Variants in PIK3R5 observed in about 807,000 individuals in gnomAD.
PIK3R5 encodes phosphoinositide-3-kinase regulatory subunit 5.
PIK3R5 carries 32 observed loss-of-function variants against 94.9 expected under a neutral mutation model. The ratio of observed to expected loss-of-function variants is 0.34; its 90% CI spans 0.25 to 0.45. PIK3R5 has a LOEUF of 0.45. PIK3R5 is among the 20% of genes least tolerant of loss of function. The pLI is 1.00. For synonymous variants in PIK3R5, 443 were observed against 479.4 expected (o/e 0.92, Z 0.99); for missense variants, 853 against 1,144.6 (o/e 0.75, Z 3.68).
chr17:8,912,467 A>T (rs962117156), intron 1 of PIK3R5: 4 of 152,242 alleles, frequency 2.6e-5, no homozygotes, highest in African/African-American at 9.6e-5. Context: ...TGCTAACCTC[A>T]TGGGGCTCTT....
intron 1 of PIK3R5, among the ~76,000 whole-genome samples, chr17:8,938,599 T>C (rs577000713): frequency 6.6e-6 from 1 of 152,338 alleles, no homozygotes; most frequent in Non-Finnish European, 1.5e-5. Flanking sequence ...GGTTTGCTTA[T>C]TCTGGACAAT....
chr17:8,907,836 C>T (rs2090429826), intron 3 of PIK3R5, among the ~76,000 whole-genome samples: 1 of 152,050 alleles, frequency 6.6e-6, no homozygotes, highest in Non-Finnish European at 1.5e-5. Flanking sequence ...CGAGGTCTTG[C>T]TATGTTGCCC....
intron 1 of PIK3R5, among the ~76,000 whole-genome samples, chr17:8,934,537 CTT>C (rs1367843556): frequency 6.6e-6 from 1 of 152,116 alleles, no homozygotes; most frequent in Non-Finnish European, 1.5e-5. Context: ...TCTCAGCAAA[CTT>C]TAAAAAATAG....
rs532377159 is a variant in PIK3R5, at chr17:8,945,537, T to C, written c.-14+20059A>G. 6.6e-6 allele frequency among the ~76,000 whole-genome samples: 1 copy of C among 152,286 alleles called. No individual in the cohort carries two copies. The highest frequency in any genetic ancestry group is 2.1e-4 in the South Asian group (1 of 4,826). Reference sequence around the variant, plus strand: ...AAGGCTGGGCATCACAGCAACCACCTTGCACTGGGAGTTTCTGCTAGACAG... The same window carrying C: ...AAGGCTGGGCATCACAGCAACCACCCTGCACTGGGAGTTTCTGCTAGACAG... On this transcript the variant is annotated intron_variant, in intron 1 of 18. Transcript: ENST00000447110. This position sits in a 1 kb window ranked among gnomAD's most constrained non-coding sequence, Gnocchi z 4.0.
intron 1 of PIK3R5, among the ~76,000 whole-genome samples, chr17:8,941,661 G>A (rs962077361): frequency 5.3e-5 from 8 of 152,246 alleles, no homozygotes; most frequent in African/African-American, 1.7e-4. Flanking sequence ...ACGCGGCACC[G>A]TGGCACAGGA....
chr17:8,961,842 T>C (rs1013954873), intron 1 of PIK3R5, among the ~76,000 whole-genome samples: 6 of 152,064 alleles, frequency 3.9e-5, no homozygotes, highest in African/African-American at 1.4e-4. Context: ...ATGAAAGTCA[T>C]CCATTTCTTC....
intron 1 of PIK3R5, among the ~76,000 whole-genome samples, chr17:8,954,133 C>T (rs1042505017): frequency 3.3e-5 from 5 of 152,124 alleles, no homozygotes; most frequent in African/African-American, 1.2e-4. Flanking sequence ...GACCCAAGCT[C>T]CCCCGGCTTG....
chr17:8,961,354 G>T (rs1431781611), intron 1 of PIK3R5, among the ~76,000 whole-genome samples: 1 of 152,054 alleles, frequency 6.6e-6, no homozygotes, highest in Non-Finnish European at 1.5e-5. Flanking sequence ...ACTCACGCAG[G>T]CCGGGCGCGG....
intron 13 of PIK3R5, 77 bp downstream of exon 13, chr17:8,886,400 G>T: frequency 6.2e-7 from 1 of 1,601,598 alleles, no homozygotes; most frequent in South Asian, 1.1e-5. Flanking sequence ...TAGACCTGCT[G>T]GCTCTCCCGG....
At chr17:8,902,106 T>A (rs1269517143) in intron 5 of PIK3R5, among the ~76,000 whole-genome samples, 1 of 151,900 alleles carries the variant, frequency 6.6e-6, no homozygotes, top group Non-Finnish European at 1.5e-5. Flanking sequence ...TAGTTTTGCA[T>A]TTTCTTTATG....
At chr17:8,957,989 A>G (rs896911457) in intron 1 of PIK3R5, among the ~76,000 whole-genome samples, 2 of 152,208 alleles carry the variant, frequency 1.3e-5, no homozygotes, top group African/African-American at 4.8e-5. Flanking sequence ...GAAAAGGAAA[A>G]TAGAGGTCAA....
At chr17:8,887,417 T>A in intron 11 of PIK3R5, 104 bp downstream of exon 11, 2 of 1,359,108 alleles carry the variant, frequency 1.5e-6, no homozygotes, top group African/African-American at 2.9e-5. Flanking sequence ...CAGGGGGAGG[T>A]GCCCTGTCAA....
intron 14 of PIK3R5, among the ~76,000 whole-genome samples, chr17:8,885,412 G>C (rs1048439777): frequency 1.4e-5 from 2 of 141,594 alleles, no homozygotes; most frequent in African/African-American, 5.4e-5. Context: ...CACCTACCAG[G>C]CAACCCCGCC....
At chr17:8,919,791 A>C (rs1453806555) in intron 1 of PIK3R5, among the ~76,000 whole-genome samples, 1 of 151,802 alleles carries the variant, frequency 6.6e-6, no homozygotes, top group South Asian at 2.1e-4. Context: ...CATAACAAAC[A>C]TTCAATATAT....
chr17:8,880,658 A>G lies in PIK3R5; in HGVS notation c.2624T>C (p.Phe875Ser). 2 of 1,611,462 alleles carry G rather than the reference A, an allele frequency of 1.2e-6. No homozygotes were observed. The highest frequency in any genetic ancestry group is 2.2e-5 in the East Asian group (1 of 44,868). The change falls in exon 19 of 19, where the codon TTC becomes TCC. Residue 875 changes from phenylalanine (F) to serine (S), a missense_variant. This residue lies in a region of PIK3R5 where 91 missense variants were observed against 90.5 expected (regional missense o/e 1.01). Transcript: ENST00000447110. Reference sequence around the variant, plus strand: ...CCCACACTAGGGCAGAGCTCCACTGAAAGTCATGATGGGCAGGCAGAGAAG... The same window carrying G: ...CCCACACTAGGGCAGAGCTCCACTGGAAGTCATGATGGGCAGGCAGAGAAG... Reference protein sequence around the residue: ...CSLLCLPIMTFSGALP With the variant: ...CSLLCLPIMTSSGALP
intron 1 of PIK3R5, among the ~76,000 whole-genome samples, chr17:8,956,214 CAA>C (rs780413912): frequency 7.1e-6 from 1 of 140,586 alleles, no homozygotes; most frequent in African/African-American, 2.6e-5. Context: ...ATGGAGACTT[CAA>C]AAAAAAAAAA....
At chr17:8,933,344 T>C in intron 1 of PIK3R5, among the ~76,000 whole-genome samples, 1 of 152,264 alleles carries the variant, frequency 6.6e-6, no homozygotes, top group South Asian at 2.1e-4. Context: ...GTGAAGAAAG[T>C]TATAGGTAAA....
At chr17:8,956,634 A>G (rs931841425) in intron 1 of PIK3R5, among the ~76,000 whole-genome samples, 12 of 152,158 alleles carry the variant, frequency 7.9e-5, no homozygotes, top group Non-Finnish European at 1.6e-4. Flanking sequence ...AAGCACAATA[A>G]CAGGCCAAGG....
In PIK3R5 at chr17:8,904,912, G is replaced by C; in HGVS notation, c.277C>G (p.Pro93Ala). 1.9e-6 allele frequency: 3 copies of C among 1,612,662 alleles called. No homozygotes were observed. The highest frequency in any genetic ancestry group is 2.5e-6 in the Non-Finnish European group (3 of 1,180,018). The change falls in exon 5 of 19, where the codon CCA becomes GCA. Residue 93 changes from proline (P) to alanine (A), a missense_variant. Pro to Ala is a conservative substitution (Grantham distance 27, BLOSUM62 -1). Transcript: ENST00000447110. The surrounding 1 kb of genome is among the most constrained non-coding windows in gnomAD (Gnocchi z 5.1). ...AGATCCGAGTCTGGTGGGAAGTGTG[G>C]TGTCTAGGATGGAGGCAGGCAACAA... ...LLFYSTVLCTPHFPPDSDLLL... is the reference protein window; with the variant it reads ...LLFYSTVLCTAHFPPDSDLLL...
Sources: gnomAD v4.1 joint callset for allele counts (sites outside exome capture counted in the v4.1 genomes callset) on GRCh38, gnomAD v4.1.1 for gene constraint, gnomAD v4.1.1 regional missense constraint, Gnocchi (gnomAD v3.1) non-coding constraint, MANE v1.5 for transcripts, NCBI Gene and HGNC (gene_info 2026-07-23, HGNC 2026-07-21) for gene names.